FRMD4A: variants seen among roughly 807,000 people sequenced by gnomAD.
FRMD4A encodes FERM domain-containing protein 4A.
Under a neutral mutation model 129.1 loss-of-function variants are expected in FRMD4A, and 29 were observed. The observed-to-expected ratio is 0.22, with a 90% CI of 0.17 to 0.31. The LOEUF (loss-of-function observed/expected upper bound fraction) is 0.31, where lower values mean the gene tolerates loss of function less well. Among genes scored for constraint, FRMD4A ranks in the 10% least tolerant of loss-of-function variants. The pLI is 1.00. For synonymous variants in FRMD4A, 634 were observed against 571.6 expected, an observed-to-expected ratio of 1.11 and a Z score of -1.56; for missense variants, 1,272 against 1,375.8, an observed-to-expected ratio of 0.92 and a Z score of 1.19.
At chr10:13,651,747 C>T (rs2081608675) in intron 24 of FRMD4A, 156 bp downstream of exon 24, 3 of 620,948 alleles carry the variant, frequency 4.8e-6, no homozygotes, top group Non-Finnish European at 8.8e-6. Flanking sequence ...TAAGAACCTT[C>T]AGCTAAAAAC....
chr10:13,923,534 T>C (rs1395243162), intron 2 of FRMD4A, among the ~76,000 whole-genome samples: 4 of 152,258 alleles, frequency 2.6e-5, no homozygotes, highest in Admixed American at 6.5e-5. Context: ...CAGCATCATG[T>C]ATATGCTATG....
At chr10:14,157,562 T>C (rs752894345) in intron 2 of FRMD4A, among the ~76,000 whole-genome samples, 3 of 152,182 alleles carry the variant, frequency 2.0e-5, no homozygotes, top group African/African-American at 7.2e-5. Flanking sequence ...TCGGCAAATG[T>C]CATCATTGTC....
At chr10:14,219,108 A>G (rs1843167658) in intron 2 of FRMD4A, among the ~76,000 whole-genome samples, 1 of 152,114 alleles carries the variant, frequency 6.6e-6, no homozygotes, top group Non-Finnish European at 1.5e-5. Flanking sequence ...TGAGAAAGCC[A>G]GATACACAAG....
chr10:13,724,972 T>C (rs1271646925), intron 12 of FRMD4A, among the ~76,000 whole-genome samples: 1 of 152,020 alleles, frequency 6.6e-6, no homozygotes, highest in Non-Finnish European at 1.5e-5. Context: ...TCCACGGGAG[T>C]CAAAGACAGA....
intron 15 of FRMD4A, chr10:13,685,380 T>G (rs2084974243): frequency 1.0e-6 from 1 of 984,580 alleles, no homozygotes; most frequent in Non-Finnish European, 1.2e-6. Context: ...TGGAAAAAAA[T>G]AACTGAACAT....
intron 2 of FRMD4A, among the ~76,000 whole-genome samples, chr10:14,284,707 G>A (rs1845628042): frequency 6.6e-6 from 1 of 152,178 alleles, no homozygotes; most frequent in Admixed American, 6.5e-5. Flanking sequence ...GGATCTCTCA[G>A]CAATAAAATA....
At chr10:13,951,795 C>A (rs2095372302) in intron 2 of FRMD4A, among the ~76,000 whole-genome samples, 1 of 151,902 alleles carries the variant, frequency 6.6e-6, no homozygotes, top group African/African-American at 2.4e-5. Context: ...GCGGCTGAGG[C>A]AGGAGAATCC....
At chr10:14,171,023 TTTG>T (rs1395923871) in intron 2 of FRMD4A, among the ~76,000 whole-genome samples, 1 of 13,762 alleles carries the variant, frequency 7.3e-5, no homozygotes, top group South Asian at 6.3e-3. Flanking sequence ...AGTTTTTTTT[TTTG>T]TTTATTTGTT....
chr10:13,786,177 G>T (rs1000097817), intron 5 of FRMD4A, among the ~76,000 whole-genome samples: 2 of 152,250 alleles, frequency 1.3e-5, no homozygotes, highest in African/African-American at 4.8e-5. Flanking sequence ...TCTAATTCTA[G>T]ATCCTTGAGG....
At chr10:13,750,062 AAGGAAGG>A (rs2091499361) in intron 8 of FRMD4A, among the ~76,000 whole-genome samples, 1 of 94,338 alleles carries the variant, frequency 1.1e-5, no homozygotes, top group South Asian at 3.9e-4. Context: ...GGAAGGAAGG[AAGGAAGG>A]AAGAAAGAAA....
intron 2 of FRMD4A, among the ~76,000 whole-genome samples, chr10:14,120,029 C>T (rs1054067026): frequency 1.4e-5 from 2 of 145,334 alleles, no homozygotes; most frequent in Non-Finnish European, 1.5e-5. Flanking sequence ...GGCAACTAGG[C>T]ATGAGGATGA....
chr10:13,783,297 C>T (rs1450324358), intron 5 of FRMD4A, among the ~76,000 whole-genome samples: 2 of 152,218 alleles, frequency 1.3e-5, no homozygotes, highest in Non-Finnish European at 2.9e-5. Context: ...TTTCTTTGTC[C>T]TATCTGCTTT....
At chr10:14,176,007 C>A (rs144250852) in intron 2 of FRMD4A, among the ~76,000 whole-genome samples, 1 of 152,318 alleles carries the variant, frequency 6.6e-6, no homozygotes, top group East Asian at 1.9e-4. Flanking sequence ...TTCTGGGGGA[C>A]TCTGGACCTT....
chr10:13,682,331 C>T (rs17543787), intron 15 of FRMD4A, among the ~76,000 whole-genome samples: 67,662 of 151,720 alleles, frequency 0.45, 16,631 homozygotes, highest in Non-Finnish European at 0.57. Context: ...AGCAAGGAAA[C>T]GTAGAATGCT....
intron 12 of FRMD4A, among the ~76,000 whole-genome samples, chr10:13,724,212 C>A (rs2089701560): frequency 6.6e-6 from 1 of 152,146 alleles, no homozygotes; most frequent in African/African-American, 2.4e-5. Context: ...CATGGTGAAA[C>A]CCTGTCTCTA....
At chr10:14,273,640 C>G (rs966878281) in intron 2 of FRMD4A, among the ~76,000 whole-genome samples, 2 of 151,932 alleles carry the variant, frequency 1.3e-5, no homozygotes, top group African/African-American at 4.8e-5. Flanking sequence ...AAACACTAGA[C>G]ACAGACATGG....
intron 2 of FRMD4A, among the ~76,000 whole-genome samples, chr10:13,868,770 G>T (rs2094405024): frequency 6.6e-6 from 1 of 152,134 alleles, no homozygotes; most frequent in Non-Finnish European, 1.5e-5. Context: ...CTGCACTCCC[G>T]CCTGGGCAAC....
At chr10:13,978,402 C>A (rs1433743487) in intron 2 of FRMD4A, among the ~76,000 whole-genome samples, 1 of 152,160 alleles carries the variant, frequency 6.6e-6, no homozygotes, top group Non-Finnish European at 1.5e-5. Context: ...CCCCTCCATA[C>A]CTCCTTCTTC....
chr10:13,840,268 G>C (rs1042797425), intron 3 of FRMD4A, among the ~76,000 whole-genome samples: 1 of 152,114 alleles, frequency 6.6e-6, no homozygotes, highest in African/African-American at 2.4e-5. Flanking sequence ...AAGGGGAAGA[G>C]AACCAGGGAT....
Sources: gnomAD v4.1 joint callset for allele counts (sites outside exome capture counted in the v4.1 genomes callset) on GRCh38, gnomAD v4.1.1 for gene constraint, MANE v1.5 for transcripts, NCBI Gene and HGNC (gene_info 2026-07-23, HGNC 2026-07-21) for gene names.